Variants in SLC29A1 observed in about 807,000 individuals in gnomAD.
SLC29A1 encodes equilibrative nucleoside transporter 1.
SLC29A1 carries 22 observed loss-of-function variants against 48.3 expected under a neutral mutation model. The observed-to-expected ratio is 0.46, with a 90% confidence interval of 0.33 to 0.65. SLC29A1 has a LOEUF of 0.65. SLC29A1 is among the 30% of genes least tolerant of loss of function. The pLI is 0.03. For synonymous variants in SLC29A1, 228 were observed against 231.0 expected (o/e 0.99, Z 0.12); for missense variants, 491 against 575.3 (o/e 0.85, Z 1.50).
At position 44,226,025 on chromosome 6, in the gene SLC29A1, C is replaced by G. The variant is rs544198985; in HGVS notation, c.-51-1238C>G. 7.9e-5 allele frequency: 63 copies of G among 799,164 alleles called. No individual in the cohort carries two copies. The African/African-American group carries it at 1.0e-3, about 13-fold the overall frequency. The allele number at this position is 799,164 out of a possible 1,614,324, so 49.5% of individuals were successfully genotyped here. A position where few individuals can be genotyped will look rare whatever the true frequency, so the allele number is the denominator to read the frequency against. ...CTGAGGGACTCTCTCCTGATAACAC[C>G]CTGTGCCACCTTTTTCATTCTGGAT... is the stretch of plus-strand genomic sequence containing the variant. On this transcript the variant is annotated intron_variant, in intron 1 of 12. Coordinates refer to ENST00000371755, the MANE Select transcript of SLC29A1 (RefSeq NM_001372327.1).
Position 44,226,023 on chromosome 6 carries a change from A to G in SLC29A1, c.-51-1240A>G, listed in dbSNP as rs545059540. Reference sequence around the variant, plus strand: ...GCCTGAGGGACTCTCTCCTGATAACACCCTGTGCCACCTTTTTCATTCTGG... The same window carrying G: ...GCCTGAGGGACTCTCTCCTGATAACGCCCTGTGCCACCTTTTTCATTCTGG... On this transcript the variant is annotated intron_variant, in intron 1 of 12. Coordinates refer to ENST00000371755, the MANE Select transcript of SLC29A1 (RefSeq NM_001372327.1). The G allele has an allele frequency of 1.4e-4, 107 of 783,028 alleles. No individual in the cohort carries two copies. The African/African-American group carries it at 1.8e-3, about 13-fold the overall frequency. 48.5% of individuals were successfully genotyped at this position (783,028 alleles called of 1,614,324 possible).
At chr6:44,228,295 C>T (rs984639479) in intron 2 of SLC29A1, among the ~76,000 whole-genome samples, 3 of 152,208 alleles carry the variant, frequency 2.0e-5, no homozygotes, top group Non-Finnish European at 4.4e-5. Flanking sequence ...CAGTCATTTC[C>T]CAGCGTACTC....
upstream of SLC29A1, chr6:44,219,928 T>A (rs1776139631): frequency 6.3e-6 from 3 of 478,140 alleles, no homozygotes; most frequent in South Asian, 6.1e-5. Context: ...AATCTTTGGT[T>A]TCTGGATGCG....
chr6:44,233,730 C>CA lies in SLC29A1; in HGVS notation c.*203dup, dbSNP rs1395559159. On this transcript the variant is annotated 3_prime_UTR_variant, in exon 13 of 13. Transcript: ENST00000371755. ...GTGGGGACATTGTGGGTTTGGGGCT[C>CA]AGAGTCGAGGGACGGGGTGTAGCCT... 2 of 589,710 alleles carry CA rather than the reference C, an allele frequency of 3.4e-6. No individual in the cohort carries two copies. The highest frequency in any genetic ancestry group is 6.1e-6 in the Non-Finnish European group (2 of 329,692). 36.5% of individuals were successfully genotyped at this position (589,710 alleles called of 1,614,324 possible). A position where few individuals can be genotyped will look rare whatever the true frequency, so the allele number is the denominator to read the frequency against.
At position 44,232,825 on chromosome 6, in the gene SLC29A1, T is replaced by G. The variant is rs763253325; in HGVS notation, c.1078T>G (p.Trp360Gly). The change falls in exon 12 of 13, where the codon TGG becomes GGG. Residue 360 changes from tryptophan (W) to glycine (G), a missense_variant. Physicochemically the swap from Trp to Gly is radical, Grantham distance 184. Coordinates refer to ENST00000371755, the MANE Select transcript of SLC29A1 (RefSeq NM_001372327.1). This position sits in a 1 kb window ranked among gnomAD's most constrained non-coding sequence, Gnocchi z 4.7. ...CCCACAGCCTGGGAAGGACAGCCGC[T>G]GGCTGCCAAGCCTGGTGCTGGCCCG... Reference protein sequence around the residue: ...VFMWPGKDSRWLPSLVLARLV... With the variant: ...VFMWPGKDSRGLPSLVLARLV... 32 of 1,612,168 alleles carry G rather than the reference T, an allele frequency of 2.0e-5. No individual in the cohort carries two copies. Among genetic ancestry groups the G allele is most frequent in the Non-Finnish European group, 2.7e-5 (32 of 1,179,980 alleles).
chr6:44,220,528 G>C (rs1190214773), upstream of SLC29A1, among the ~76,000 whole-genome samples: 1 of 151,270 alleles, frequency 6.6e-6, no homozygotes, highest in Non-Finnish European at 1.5e-5. Flanking sequence ...ACTTATTTTG[G>C]TAAGGGCTGG....
intron 8 of SLC29A1, 138 bp from the exon 9 acceptor site, chr6:44,231,226 G>C (rs1273398919): frequency 9.1e-6 from 6 of 658,252 alleles, no homozygotes; most frequent in African/African-American, 7.3e-5. Context: ...GGCGAGGTCT[G>C]GGTTAGGGTT....
chr6:44,223,637 G>T lies in SLC29A1; in HGVS notation c.-56G>T, dbSNP rs762708344. The T allele has an allele frequency of 8.3e-7, 1 of 1,208,260 alleles. No homozygotes were observed. Among genetic ancestry groups the T allele is most frequent in the South Asian group, 1.4e-5 (1 of 71,984 alleles). 74.8% of individuals were successfully genotyped at this position (1,208,260 alleles called of 1,614,324 possible). A position where few individuals can be genotyped will look rare whatever the true frequency, so the allele number is the denominator to read the frequency against. On this transcript the variant is annotated 5_prime_UTR_variant, in exon 1 of 13. Transcript: ENST00000371755. This position sits in a 1 kb window ranked among gnomAD's most constrained non-coding sequence, Gnocchi z 5.0. ...CTCAGCGCGGGAGCAGTGCTTCTGC[G>T]GCAGGTGCTGCCCGGGGCCGGGGAC...
chr6:44,230,976 G>A, intron 8 of SLC29A1, 87 bp downstream of exon 8: 1 of 1,011,458 alleles, frequency 9.9e-7, no homozygotes, highest in Non-Finnish European at 1.6e-6. Context: ...TGAGTGCCCT[G>A]TGTTAGCTAG....
intron 1 of SLC29A1, among the ~76,000 whole-genome samples, chr6:44,225,533 C>T (rs541284123): frequency 5.8e-4 from 88 of 150,950 alleles, no homozygotes; most frequent in African/African-American, 2.0e-3. Context: ...AAGAAAAAAT[C>T]TGAGACCTGA....
upstream of SLC29A1, among the ~76,000 whole-genome samples, chr6:44,222,248 G>A (rs184651372): frequency 6.4e-3 from 976 of 151,626 alleles, 3 homozygotes; most frequent in Non-Finnish European, 9.3e-3. Flanking sequence ...TAGGGCTGGC[G>A]GGGATGTGGG....
In SLC29A1 at chr6:44,230,343, C is replaced by G. The variant is rs1424101144; in HGVS notation, c.455-4C>G. 1 of 1,609,574 alleles carries G rather than the reference C, an allele frequency of 6.2e-7. No individual in the cohort carries two copies. Among genetic ancestry groups the G allele is most frequent in the Non-Finnish European group, 8.5e-7 (1 of 1,176,688 alleles). The stretch of plus-strand genomic sequence containing the variant: ...CCCTGCTCATGCCCGCCCTGTTTCC[C>G]CAGCATTTGGTGCCATCCTGCAGGG... On this transcript the variant is annotated splice_region_variant and splice_polypyrimidine_tract_variant and intron_variant, in intron 5 of 12. Coordinates refer to ENST00000371755, the MANE Select transcript of SLC29A1 (RefSeq NM_001372327.1).
Position 44,230,033 on chromosome 6 carries a change from C to A in SLC29A1, c.441C>A (p.Ile147=), listed in dbSNP as rs756609925. The A allele has an allele frequency of 6.2e-7, 1 of 1,607,898 alleles. No individual in the cohort carries two copies. The highest frequency in any genetic ancestry group is 1.3e-5 in the African/African-American group (1 of 75,042). The change falls in exon 5 of 13, where the codon ATC becomes ATA. Residue 147 remains isoleucine, a synonymous_variant. Coordinates refer to ENST00000371755, the MANE Select transcript of SLC29A1 (RefSeq NM_001372327.1). Reference sequence around the variant, plus strand: ...TCTTTGTCATCACCATGATCAAGATCGTGCTCATTAATTGTAAGCTGGGCC... The same window carrying A: ...TCTTTGTCATCACCATGATCAAGATAGTGCTCATTAATTGTAAGCTGGGCC... The part of the protein sequence containing the change: ...LPFFVITMIK[I]VLINSFGAIL...
chr6:44,232,402 C>T lies in SLC29A1; in HGVS notation c.1033C>T (p.Arg345Trp). 1.2e-6 allele frequency: 2 copies of T among 1,613,218 alleles called. No individual in the cohort carries two copies. Among genetic ancestry groups the T allele is most frequent in the South Asian group, 1.1e-5 (1 of 91,050 alleles). Reference sequence around the variant, plus strand: ...TTTCAATATCTTTGACTGGTTGGGCCGGAGCCTCACAGCTGTATTCATGTG... The same window carrying T: ...TTTCAATATCTTTGACTGGTTGGGCTGGAGCCTCACAGCTGTATTCATGTG... ...LTFNIFDWLG[R>W]SLTAVFMWPG... Residue 345 changes from arginine (R) to tryptophan (W), a missense_variant, in exon 11 of 13, where the codon CGG becomes TGG. Physicochemically the swap from Arg to Trp is moderately radical, Grantham distance 101 (BLOSUM62 -3). Transcript: ENST00000371755. The surrounding 1 kb of genome is among the most constrained non-coding windows in gnomAD (Gnocchi z 4.7).
At chr6:44,228,964 C>A (rs1778205539) in intron 2 of SLC29A1, among the ~76,000 whole-genome samples, 1 of 152,194 alleles carries the variant, frequency 6.6e-6, no homozygotes, top group South Asian at 2.1e-4. Flanking sequence ...CAGTCCCTGA[C>A]CAGACAGCAT....
chr6:44,233,719 G>A lies in SLC29A1; in HGVS notation c.*191G>A. 1 of 596,814 alleles carries A rather than the reference G, an allele frequency of 1.7e-6. No homozygotes were observed. The highest frequency in any genetic ancestry group is 2.0e-5 in the South Asian group (1 of 48,998). The allele number at this position is 596,814 out of a possible 1,614,324, so 37.0% of individuals were successfully genotyped here. A position where few individuals can be genotyped will look rare whatever the true frequency, so the allele number is the denominator to read the frequency against. Reference sequence around the variant, plus strand: ...CTGGACGGACAGTGGGGACATTGTGGGTTTGGGGCTCAGAGTCGAGGGACG... The same window carrying A: ...CTGGACGGACAGTGGGGACATTGTGAGTTTGGGGCTCAGAGTCGAGGGACG... On this transcript the variant is annotated 3_prime_UTR_variant, in exon 13 of 13. Transcript: ENST00000371755.
upstream of SLC29A1, chr6:44,223,579 G>C (rs1052131019): frequency 2.5e-6 from 3 of 1,211,998 alleles, no homozygotes; most frequent in Non-Finnish European, 3.2e-6. This position sits in a 1 kb window ranked among gnomAD's most constrained non-coding sequence, Gnocchi z 5.0. Flanking sequence ...GTGCCCCGGC[G>C]GGAGAGGGAA....
chr6:44,231,465 C>A lies in SLC29A1; in HGVS notation c.864+4C>A. The A allele has an allele frequency of 6.3e-7, 1 of 1,578,246 alleles. No homozygotes were observed. The highest frequency in any genetic ancestry group is 8.7e-7 in the Non-Finnish European group (1 of 1,150,952). On this transcript the variant is annotated splice_donor_region_variant and intron_variant, in intron 9 of 12. Transcript: ENST00000371755. ...TATCAAAGCCATCCTGAAAAATGTA[C>A]GTAGGGGAGGTTATCCTATCTTCTA...
intron 1 of SLC29A1, 89 bp from the exon 2 acceptor site, chr6:44,227,174 T>C (rs1777744276): frequency 7.0e-7 from 1 of 1,428,912 alleles, no homozygotes; most frequent in Admixed American, 2.1e-5. Flanking sequence ...TGGCCTGTTC[T>C]GTCAGCCCTG....
Sources: gnomAD v4.1 joint callset for allele counts (sites outside exome capture counted in the v4.1 genomes callset) on GRCh38, gnomAD v4.1.1 for gene constraint, Gnocchi (gnomAD v3.1) non-coding constraint, MANE v1.5 for transcripts, NCBI Gene and HGNC (gene_info 2026-07-23, HGNC 2026-07-21) for gene names.